TIAM2: variants seen among roughly 807,000 people sequenced by gnomAD.
TIAM2 encodes TIAM Rac1 associated GEF 2, also known as rho guanine nucleotide exchange factor TIAM2.
In TIAM2, 80 loss-of-function variants were observed where a neutral mutation model predicts 152.9. The ratio of observed to expected loss-of-function variants is 0.52; its 90% CI spans 0.44 to 0.63. TIAM2 has a LOEUF of 0.63. Ranked by LOEUF, TIAM2 falls within the 30% of genes least tolerant of loss-of-function variation. The pLI is 0.00. For missense variants in TIAM2, 1,965 were observed against 2,120.1 expected (o/e 0.93, Z 1.44); for synonymous variants, 804 against 838.0 (o/e 0.96, Z 0.70).
intron 5 of TIAM2, among the ~76,000 whole-genome samples, chr6:155,140,362 C>A (rs75114061): frequency 0.013 from 1,918 of 152,268 alleles, 20 homozygotes; most frequent in Middle Eastern, 0.024. Flanking sequence ...CTCCTAGTCA[C>A]ATGATGTGAA....
chr6:155,241,853 G>T (rs1009183672), intron 16 of TIAM2, among the ~76,000 whole-genome samples: 1 of 152,224 alleles, frequency 6.6e-6, no homozygotes, highest in Non-Finnish European at 1.5e-5. Flanking sequence ...CCAAGTCGCT[G>T]TGTGGCGCTG....
chr6:155,122,441 G>GC (rs1779181118), intron 2 of TIAM2, among the ~76,000 whole-genome samples: 1 of 148,882 alleles, frequency 6.7e-6, no homozygotes, highest in Non-Finnish European at 1.5e-5. Flanking sequence ...AGAATGGAAG[G>GC]CAGGATTTTG....
At chr6:155,073,946 C>T (rs1348065958) in intron 1 of TIAM2, among the ~76,000 whole-genome samples, 1 of 152,082 alleles carries the variant, frequency 6.6e-6, no homozygotes, top group Non-Finnish European at 1.5e-5. Flanking sequence ...GTGGAAAATG[C>T]AATGTTCTGG....
At chr6:155,144,111 T>C (rs1583212724) in intron 5 of TIAM2, among the ~76,000 whole-genome samples, 1 of 152,196 alleles carries the variant, frequency 6.6e-6, no homozygotes, top group African/African-American at 2.4e-5. Flanking sequence ...CAGCCCACTT[T>C]TAATTTTTAA....
intron 15 of TIAM2, among the ~76,000 whole-genome samples, chr6:155,237,462 C>CTAGGCGGTGCCCCAGTAGGGACTCTGT (rs1782825063): frequency 1.3e-5 from 2 of 152,258 alleles, no homozygotes; most frequent in Non-Finnish European, 2.9e-5. Context: ...CACAACTCCA[C>CTAGGCGGTGCCCCAGTAGGGACTCTGT]TAGGCGGTGC....
intron 22 of TIAM2, 109 bp downstream of exon 22, chr6:155,251,130 G>T (rs1783630555): frequency 2.1e-6 from 2 of 932,626 alleles, no homozygotes; most frequent in South Asian, 2.9e-5. Context: ...AGTCAGAATT[G>T]CTATAATGGT....
rs71023612 is a variant in TIAM2, at chr6:155,057,017, C to CTTTTTTTTTTTTTTTTTTTT, written c.-208-33262_-208-33243dup. Among the ~76,000 whole-genome samples the CTTTTTTTTTTTTTTTTTTTT allele has an allele frequency of 9.1e-5, 4 of 43,870 alleles. 1 individual carries two copies. The highest frequency in any genetic ancestry group is 6.9e-4 in the East Asian group (1 of 1,454). The allele number at this position is 43,870 out of a possible 152,430, so 28.8% of individuals were successfully genotyped here. On this transcript the variant is annotated intron_variant, in intron 1 of 26. Transcript: ENST00000682666. ...AGTAGAATGTTCCTCAGTTTTCTTTCTTTTTTTTTTTTTTTTTTTTTTTTT... is the reference window on the plus strand; with the variant it reads ...AGTAGAATGTTCCTCAGTTTTCTTTCTTTTTTTTTTTTTTTTTTTTTTTTTTTTTTTTTTTTTTTTTTTTT...
At chr6:155,089,935 T>C (rs1306420386) in intron 1 of TIAM2, among the ~76,000 whole-genome samples, 1 of 152,130 alleles carries the variant, frequency 6.6e-6, no homozygotes, top group Non-Finnish European at 1.5e-5. Context: ...TCCATCCATC[T>C]GTCCGTCCGT....
intron 15 of TIAM2, among the ~76,000 whole-genome samples, chr6:155,236,893 G>A (rs1015791046): frequency 6.6e-6 from 1 of 152,044 alleles, no homozygotes; most frequent in Non-Finnish European, 1.5e-5. Context: ...ATTTAGGTGG[G>A]GACACAGAGC....
At chr6:155,095,834 A>G (rs924671423) in intron 2 of TIAM2, among the ~76,000 whole-genome samples, 2 of 152,210 alleles carry the variant, frequency 1.3e-5, no homozygotes, top group Non-Finnish European at 2.9e-5. Flanking sequence ...TTTAACTACA[A>G]TTAGATCTGG....
chr6:155,148,202 G>A lies in TIAM2; in HGVS notation c.1896G>A (p.Thr632=), dbSNP rs146947115. 3.7e-6 allele frequency: 6 copies of A among 1,613,300 alleles called. No homozygotes were observed. The highest frequency in any genetic ancestry group is 2.2e-5 in the East Asian group (1 of 44,876). Residue 632 remains threonine (T), a synonymous_variant, in exon 7 of 27, where the codon ACG becomes ACA. Transcript: ENST00000682666. Reference sequence around the variant, plus strand: ...CAAAGAAGCATGGGAAAGAGGACACGCTGCGGCTGCTGAAGAACCAGACCA... The same window carrying A: ...CAAAGAAGCATGGGAAAGAGGACACACTGCGGCTGCTGAAGAACCAGACCA... ...LFAKKHGKED[T]LRLLKNQTKN...
At chr6:155,081,785 A>G (rs1035871251) in intron 1 of TIAM2, among the ~76,000 whole-genome samples, 1 of 152,186 alleles carries the variant, frequency 6.6e-6, no homozygotes, top group Admixed American at 6.5e-5. Flanking sequence ...TCTTGTTGTC[A>G]GGTCAGTAAA....
chr6:155,017,152 A>G (rs1778605527), intron 1 of TIAM2, among the ~76,000 whole-genome samples: 1 of 152,182 alleles, frequency 6.6e-6, no homozygotes, highest in South Asian at 2.1e-4. Context: ...ATTGAAAGGC[A>G]GTCTCCCGAG....
intron 15 of TIAM2, among the ~76,000 whole-genome samples, chr6:155,237,310 T>C (rs1562366118): frequency 1.3e-5 from 2 of 152,208 alleles, no homozygotes; most frequent in Non-Finnish European, 2.9e-5. Context: ...TGGTCTTGGG[T>C]AGCTCTGTCC....
intron 9 of TIAM2, 148 bp downstream of exon 9, chr6:155,165,557 T>A: frequency 8.5e-7 from 1 of 1,170,158 alleles, no homozygotes; most frequent in Non-Finnish European, 1.2e-6. Context: ...TCTAGCACAC[T>A]GGGAGGGCAA....
intron 2 of TIAM2, among the ~76,000 whole-genome samples, chr6:155,119,885 C>T (rs1288173090): frequency 6.6e-6 from 1 of 152,198 alleles, no homozygotes; most frequent in East Asian, 1.9e-4. Context: ...CTGGGATTCA[C>T]TCGTCTATTT....
chr6:154,995,959 G>T lies in TIAM2; in HGVS notation c.-209+467G>T, dbSNP rs536107297. Reference sequence around the variant, plus strand: ...CCTCGGAGCCTCAGAAAGGCGCTGCGGCGAAGCAGGATCCCAGGCGGTCGG... The same window carrying T: ...CCTCGGAGCCTCAGAAAGGCGCTGCTGCGAAGCAGGATCCCAGGCGGTCGG... On this transcript the variant is annotated intron_variant, in intron 1 of 26. Coordinates refer to ENST00000682666, the MANE Select transcript of TIAM2 (RefSeq NM_012454.4). The surrounding 1 kb of genome is among the most constrained non-coding windows in gnomAD (Gnocchi z 5.2). 3.9e-5 allele frequency among the ~76,000 whole-genome samples: 6 copies of T among 152,310 alleles called. No homozygotes were observed. The South Asian group carries it at 8.3e-4, about 21-fold the overall frequency.
chr6:155,018,324 TC>T (rs1778634879), intron 1 of TIAM2, among the ~76,000 whole-genome samples: 1 of 152,090 alleles, frequency 6.6e-6, no homozygotes, highest in African/African-American at 2.4e-5. Context: ...CTTATTTTTT[TC>T]AATATGGTCA....
At chr6:155,037,537 T>C (rs1042527459) in intron 1 of TIAM2, among the ~76,000 whole-genome samples, 1 of 152,156 alleles carries the variant, frequency 6.6e-6, no homozygotes, top group Non-Finnish European at 1.5e-5. Flanking sequence ...TTTTCTTTTT[T>C]TATTTTTTTG....
Sources: allele counts gnomAD v4.1 joint callset (sites outside exome capture counted in the v4.1 genomes callset), GRCh38; gene constraint gnomAD v4.1.1; non-coding constraint Gnocchi (gnomAD v3.1); transcripts MANE v1.5; gene names NCBI Gene and HGNC (gene_info 2026-07-23, HGNC 2026-07-21).